Variants in FBXO15 observed in about 807,000 individuals in gnomAD.
FBXO15 encodes F-box only protein 15.
In FBXO15, 30 loss-of-function variants were observed where a neutral mutation model predicts 49.5. That is an observed-to-expected ratio of 0.61 (90% confidence interval 0.45 to 0.82). The LOEUF (loss-of-function observed/expected upper bound fraction) is 0.82, where lower values mean the gene tolerates loss of function less well. FBXO15 is among the 40% of genes least tolerant of loss of function. The probability of loss-of-function intolerance (pLI) is 0.00; values close to 1 mark genes in which losing one functional copy is unlikely to be tolerated. For missense variants in FBXO15, 591 were observed against 631.5 expected (o/e 0.94, Z 0.69); for synonymous variants, 250 against 232.7 (o/e 1.07, Z -0.68).
At chr18:74,109,413 C>G (rs1444316115) in intron 8 of FBXO15, among the ~76,000 whole-genome samples, 3 of 152,196 alleles carry the variant, frequency 2.0e-5, no homozygotes, top group Admixed American at 6.5e-5. Context: ...CTGTGGAAGA[C>G]AGTGTGGCAA....
chr18:74,120,134 T>C (rs1214073413), intron 8 of FBXO15, among the ~76,000 whole-genome samples: 1 of 152,224 alleles, frequency 6.6e-6, no homozygotes, highest in Non-Finnish European at 1.5e-5. Context: ...GTACACAGTG[T>C]GTACTTAGTC....
chr18:74,093,570 C>T (rs1913149318), intron 8 of FBXO15, among the ~76,000 whole-genome samples: 2 of 152,216 alleles, frequency 1.3e-5, no homozygotes, highest in Admixed American at 1.3e-4. Context: ...ATTCAAGAAA[C>T]CACTTTCCCT....
At chr18:74,147,609 G>C (rs1401412700) in intron 1 of FBXO15, 61 bp downstream of exon 1, 1 of 1,364,960 alleles carries the variant, frequency 7.3e-7, no homozygotes, top group East Asian at 3.0e-5. Flanking sequence ...GGTGAAGAGA[G>C]CGGGGCCGCG....
In FBXO15 at chr18:74,082,652, A is replaced by G. The variant is rs535352587; in HGVS notation, c.1139-601T>C. On this transcript the variant is annotated intron_variant, in intron 8 of 9. Transcript: ENST00000419743. ...CACGGAGGAGCCCTCGCACCCACAC[A>G]GCACACTAGCCCTGCTGCCACAGGC... Among the ~76,000 whole-genome samples the G allele has an allele frequency of 3.3e-5, 5 of 152,290 alleles. No individual in the cohort carries two copies. The East Asian group carries it at 9.7e-4, about 29-fold the overall frequency.
rs548896960 is a variant in FBXO15 at position 74,125,479 on chromosome 18, C to T, written c.912+496G>A. Among the ~76,000 whole-genome samples the T allele has an allele frequency of 1.8e-4, 28 of 152,314 alleles. No individual in the cohort carries two copies. In the East Asian group the frequency reaches 3.7e-3, roughly 20 times the overall value. On this transcript the variant is annotated intron_variant, in intron 6 of 9. Coordinates refer to ENST00000419743, the MANE Select transcript of FBXO15 (RefSeq NM_001142958.2). ...AGCCAGACCTGGTGAAACGAGAAAT[C>T]TTATGCAGAGAGAAAGGATAACATC... is the stretch of plus-strand genomic sequence containing the variant.
intron 8 of FBXO15, among the ~76,000 whole-genome samples, chr18:74,096,632 T>A (rs1913287767): frequency 2.1e-5 from 3 of 142,442 alleles, no homozygotes; most frequent in African/African-American, 2.6e-5. Flanking sequence ...GGAGCCATAA[T>A]CTCCCAAAGC....
At chr18:74,103,681 A>T (rs771630346) in intron 8 of FBXO15, among the ~76,000 whole-genome samples, 1 of 152,188 alleles carries the variant, frequency 6.6e-6, no homozygotes, top group Non-Finnish European at 1.5e-5. Flanking sequence ...AGATTTCTCA[A>T]TAGAAACCAT....
At chr18:74,128,591 A>G (rs557569798) in intron 5 of FBXO15, among the ~76,000 whole-genome samples, 121 of 152,344 alleles carry the variant, frequency 7.9e-4, no homozygotes, top group African/African-American at 2.8e-3. Context: ...GGCAGGTATT[A>G]CCTTTATATT....
At chr18:74,080,887 A>C (rs1912463620) in intron 9 of FBXO15, among the ~76,000 whole-genome samples, 1 of 152,240 alleles carries the variant, frequency 6.6e-6, no homozygotes, top group Non-Finnish European at 1.5e-5. Flanking sequence ...ACCCTTTAAA[A>C]GACAGTCACA....
At chr18:74,110,123 G>A (rs1022535670) in intron 8 of FBXO15, among the ~76,000 whole-genome samples, 1 of 148,022 alleles carries the variant, frequency 6.8e-6, no homozygotes, top group African/African-American at 2.5e-5. Context: ...GCCCAAAACA[G>A]TAGTAGTAAT....
At chr18:74,118,529 G>A (rs1032334307) in intron 8 of FBXO15, among the ~76,000 whole-genome samples, 10 of 148,422 alleles carry the variant, frequency 6.7e-5, no homozygotes, top group Non-Finnish European at 1.5e-4. Flanking sequence ...ATTTTTTAAT[G>A]GCAAATAATG....
intron 9 of FBXO15, 152 bp downstream of exon 9, chr18:74,081,775 A>G (rs1912505232): frequency 7.2e-6 from 4 of 552,148 alleles, no homozygotes; most frequent in Non-Finnish European, 1.2e-5. Context: ...GGCTAACAGA[A>G]TGTGCACCAA....
Position 74,129,558 on chromosome 18 carries a change from A to G in FBXO15, c.632T>C (p.Ile211Thr). ...ILKEKGGKEY[I>T]MEHVDLSIND... is the part of the protein sequence containing the mutation. ...TATGGAAAGATCAACATGCTCCATG[A>G]TATATTCTTTTCCACCTTTTTCTTT... Residue 211 changes from isoleucine to threonine, a missense_variant, in exon 5 of 10, where the codon ATC (isoleucine) becomes ACC (threonine). Ile to Thr is a moderately conservative substitution (Grantham distance 89). Transcript: ENST00000419743. The G allele has an allele frequency of 1.9e-6, 3 of 1,613,260 alleles. No individual in the cohort carries two copies. The highest frequency in any genetic ancestry group is 2.2e-5 in the South Asian group (2 of 91,046).
At chr18:74,125,858 G>T (rs1243805913) in intron 6 of FBXO15, 117 bp downstream of exon 6, 19 of 1,363,834 alleles carry the variant, frequency 1.4e-5, no homozygotes, top group Non-Finnish European at 1.9e-5. Flanking sequence ...ATGGTAAAAT[G>T]GATTGCAGTT....
intron 8 of FBXO15, among the ~76,000 whole-genome samples, chr18:74,092,931 G>A (rs1913107399): frequency 2.6e-5 from 4 of 152,158 alleles, no homozygotes; most frequent in Non-Finnish European, 1.5e-5. Context: ...GCCCAGAGAA[G>A]GGGGTGGGGC....
intron 2 of FBXO15, among the ~76,000 whole-genome samples, chr18:74,139,332 A>G (rs1373835776): frequency 6.6e-6 from 1 of 152,252 alleles, no homozygotes; most frequent in Non-Finnish European, 1.5e-5. Flanking sequence ...GCTACAGAGT[A>G]GGTCCTCAAA....
At chr18:74,082,118 G>T in intron 8 of FBXO15, 67 bp from the exon 9 acceptor site, 1 of 1,560,452 alleles carries the variant, frequency 6.4e-7, no homozygotes, top group Non-Finnish European at 8.7e-7. Flanking sequence ...AGCACGTTCA[G>T]TCGGCGACTT....
At chr18:74,101,873 C>T (rs1261105043) in intron 8 of FBXO15, among the ~76,000 whole-genome samples, 2 of 152,040 alleles carry the variant, frequency 1.3e-5, no homozygotes, top group African/African-American at 2.4e-5. Context: ...GGAAAGGATA[C>T]CCTATTCAAC....
intron 9 of FBXO15, among the ~76,000 whole-genome samples, chr18:74,080,058 T>C (rs968340752): frequency 5.6e-4 from 86 of 152,296 alleles, no homozygotes; most frequent in Admixed American, 5.4e-3. Flanking sequence ...AGGAGCCGGG[T>C]TTTTATTTTA....
Sources: allele counts gnomAD v4.1 joint callset (sites outside exome capture counted in the v4.1 genomes callset), GRCh38; gene constraint gnomAD v4.1.1; transcripts MANE v1.5; gene names NCBI Gene and HGNC (gene_info 2026-07-23, HGNC 2026-07-21).